The following ADAMTSL3 variants were observed in gnomAD, a reference collection of about 807,000 sequenced individuals.
The protein encoded by ADAMTSL3 is ADAMTS-like protein 3.
Under a neutral mutation model 201.7 loss-of-function variants are expected in ADAMTSL3, and 128 were observed. The ratio of observed to expected loss-of-function variants is 0.63; its 90% CI spans 0.55 to 0.73. The LOEUF (loss-of-function observed/expected upper bound fraction) is 0.73. Ranked by LOEUF, ADAMTSL3 falls within the 30% of genes least tolerant of loss-of-function variation. ADAMTSL3 has a pLI of 0.00. For synonymous variants in ADAMTSL3, 738 were observed against 748.4 expected (o/e 0.99, Z 0.23); for missense variants, 1,990 against 2,119.6 (o/e 0.94, Z 1.20).
chr15:83,793,715 G>T (rs748178945), intron 4 of ADAMTSL3, among the ~76,000 whole-genome samples: 1 of 152,118 alleles, frequency 6.6e-6, no homozygotes. Flanking sequence ...GACCTCAAGT[G>T]ATCTGCCTGC....
intron 3 of ADAMTSL3, among the ~76,000 whole-genome samples, chr15:83,733,383 G>A (rs1206292500): frequency 1.3e-5 from 2 of 152,148 alleles, no homozygotes; most frequent in Non-Finnish European, 2.9e-5. Flanking sequence ...CTGGGGGTGA[G>A]AGACTTAGTC....
intron 17 of ADAMTSL3, among the ~76,000 whole-genome samples, chr15:83,935,382 T>C (rs543369994): frequency 1.3e-5 from 2 of 152,002 alleles, no homozygotes; most frequent in Admixed American, 1.3e-4. Flanking sequence ...AAAATAATGA[T>C]ATTAAAAGAA....
At chr15:83,790,693 A>G (rs1425786555) in intron 4 of ADAMTSL3, among the ~76,000 whole-genome samples, 1 of 152,166 alleles carries the variant, frequency 6.6e-6, no homozygotes, top group Non-Finnish European at 1.5e-5. Context: ...CACTCTTACC[A>G]TAGGAGAAGA....
rs753410281 is a variant in ADAMTSL3, at chr15:84,037,806, A to G, written c.5076A>G (p.Ter1692=). 6.2e-7 allele frequency: 1 copy of G among 1,612,440 alleles called. No homozygotes were observed. The highest frequency in any genetic ancestry group is 8.5e-7 in the Non-Finnish European group (1 of 1,179,696). The part of the protein sequence containing the change: ...QRCCQSCQEG[*] ...GCTGCCAGTCATGTCAAGAGGGATAAACCTTTGGAGGGGTCATGATGCTGC... is the reference window on the plus strand; with the variant it reads ...GCTGCCAGTCATGTCAAGAGGGATAGACCTTTGGAGGGGTCATGATGCTGC... Residue 1692 remains the stop codon, a stop_retained_variant, in exon 30 of 30, where the codon TAA becomes TAG. Coordinates refer to ENST00000286744, the MANE Select transcript of ADAMTSL3 (RefSeq NM_207517.3).
chr15:84,036,663 A>G, intron 28 of ADAMTSL3, 110 bp from the exon 29 acceptor site: 1 of 775,674 alleles, frequency 1.3e-6, no homozygotes, highest in Non-Finnish European at 2.0e-6. Flanking sequence ...TCTCCATCCA[A>G]CCTTTAATAC....
chr15:83,878,639 T>G (rs2065220256), intron 9 of ADAMTSL3, among the ~76,000 whole-genome samples: 1 of 152,088 alleles, frequency 6.6e-6, no homozygotes, highest in African/African-American at 2.4e-5. Flanking sequence ...AATTCATTGT[T>G]AATATTAATT....
chr15:83,877,396 C>T (rs1471142405), intron 9 of ADAMTSL3, among the ~76,000 whole-genome samples: 1 of 152,170 alleles, frequency 6.6e-6, no homozygotes, highest in African/African-American at 2.4e-5. Context: ...GAAGAATGAT[C>T]CATTGCCTAT....
intron 7 of ADAMTSL3, among the ~76,000 whole-genome samples, chr15:83,847,591 G>A (rs2064526576): frequency 1.3e-5 from 2 of 151,830 alleles, no homozygotes; most frequent in South Asian, 4.2e-4. Flanking sequence ...TACCTCCTGG[G>A]TTCAAGTGAT....
chr15:83,841,383 C>T (rs536459842), intron 7 of ADAMTSL3, among the ~76,000 whole-genome samples: 78 of 152,240 alleles, frequency 5.1e-4, no homozygotes, highest in Middle Eastern at 3.4e-3. Context: ...GGTCCGGAGC[C>T]GCCAGCCTTC....
chr15:83,719,920 T>G (rs2062074510), intron 3 of ADAMTSL3, among the ~76,000 whole-genome samples: 1 of 152,142 alleles, frequency 6.6e-6, no homozygotes, highest in Non-Finnish European at 1.5e-5. Flanking sequence ...TAGGTCTTTT[T>G]CAAGAGAAAA....
rs1397546724 is a variant in ADAMTSL3, at chr15:83,906,616, CA to C, written c.1701-6475del. 4.2e-3 allele frequency among the ~76,000 whole-genome samples: 106 copies of C among 25,064 alleles called. 3 individuals carry two copies. In the East Asian group the frequency reaches 0.11, roughly 25 times the overall value. 16.4% of individuals were successfully genotyped at this position (25,064 alleles called of 152,430 possible). On this transcript the variant is annotated intron_variant, in intron 15 of 29. Coordinates refer to ENST00000286744, the MANE Select transcript of ADAMTSL3 (RefSeq NM_207517.3). ...ATGTATCTATATATTTATATAGTGCCACACACCACACACACACACACACACA... is the reference window on the plus strand; with the variant it reads ...ATGTATCTATATATTTATATAGTGCCCACACCACACACACACACACACACA...
intron 5 of ADAMTSL3, among the ~76,000 whole-genome samples, chr15:83,807,771 TGAC>T (rs2063623528): frequency 6.6e-6 from 1 of 152,152 alleles, no homozygotes; most frequent in Non-Finnish European, 1.5e-5. Context: ...TAAAACAGCA[TGAC>T]ATTGGTGAAA....
intron 19 of ADAMTSL3, among the ~76,000 whole-genome samples, chr15:83,943,964 TG>T (rs747176151): frequency 1.7e-3 from 214 of 127,796 alleles, no homozygotes; most frequent in Middle Eastern, 7.2e-3. Context: ...ATATATCCTA[TG>T]TTTTTTTTTA....
chr15:83,998,971 G>A (rs1018023650), intron 23 of ADAMTSL3, among the ~76,000 whole-genome samples: 4 of 152,196 alleles, frequency 2.6e-5, no homozygotes, highest in African/African-American at 9.7e-5. Flanking sequence ...TGCCTCTGAA[G>A]CTAGTGCCCT....
intron 8 of ADAMTSL3, among the ~76,000 whole-genome samples, chr15:83,859,597 G>C (rs1315105451): frequency 6.6e-6 from 1 of 152,188 alleles, no homozygotes; most frequent in Non-Finnish European, 1.5e-5. Flanking sequence ...TGCCTGTGAA[G>C]TTGCTCATTA....
chr15:83,915,213 G>A (rs1281102518), intron 16 of ADAMTSL3, among the ~76,000 whole-genome samples: 3 of 152,086 alleles, frequency 2.0e-5, no homozygotes, highest in Non-Finnish European at 4.4e-5. Flanking sequence ...AAGCTTTTAG[G>A]TGCTGTTGGT....
chr15:84,014,539 A>G lies in ADAMTSL3; in HGVS notation c.3974-3A>G. Reference sequence around the variant, plus strand: ...CTTTGTCATATTTGTTTTTGTTCCAAAGGTGTCCCTCAGCCTAATATAACT... The same window carrying G: ...CTTTGTCATATTTGTTTTTGTTCCAGAGGTGTCCCTCAGCCTAATATAACT... On this transcript the variant is annotated splice_region_variant and splice_polypyrimidine_tract_variant and intron_variant, in intron 23 of 29. Coordinates refer to ENST00000286744, the MANE Select transcript of ADAMTSL3 (RefSeq NM_207517.3). 1 of 1,611,946 alleles carries G rather than the reference A, an allele frequency of 6.2e-7. No individual in the cohort carries two copies. The highest frequency in any genetic ancestry group is 8.5e-7 in the Non-Finnish European group (1 of 1,179,356).
chr15:83,743,632 C>T (rs977130034), intron 3 of ADAMTSL3, among the ~76,000 whole-genome samples: 1 of 151,542 alleles, frequency 6.6e-6, no homozygotes, highest in Non-Finnish European at 1.5e-5. Flanking sequence ...ACATTTTTGA[C>T]TGTCTGATTT....
chr15:83,921,449 G>A (rs917628424), intron 16 of ADAMTSL3, among the ~76,000 whole-genome samples: 40 of 151,784 alleles, frequency 2.6e-4, no homozygotes, highest in African/African-American at 9.2e-4. Flanking sequence ...ATACTGATTG[G>A]CACATAAAAG....
Sources: gnomAD v4.1 joint callset for allele counts (sites outside exome capture counted in the v4.1 genomes callset) on GRCh38, gnomAD v4.1.1 for gene constraint, MANE v1.5 for transcripts, NCBI Gene and HGNC (gene_info 2026-07-23, HGNC 2026-07-21) for gene names.